The following NFIB variants were observed in gnomAD, a reference collection of about 807,000 sequenced individuals.
NFIB encodes the protein nuclear factor 1 B-type.
A neutral mutation model predicts 61.5 loss-of-function variants in NFIB; 11 were observed. That is an observed-to-expected ratio of 0.18 (90% CI 0.11 to 0.30). The LOEUF is 0.30. NFIB is among the 10% of genes least tolerant of loss of function. NFIB has a pLI of 1.00. For missense variants in NFIB, 471 were observed against 608.9 expected, an observed-to-expected ratio of 0.77 and a Z score of 2.38; for synonymous variants, 260 against 216.5, an observed-to-expected ratio of 1.20 and a Z score of -1.76.
intron 10 of NFIB, among the ~76,000 whole-genome samples, chr9:14,092,553 C>G: frequency 6.6e-6 from 1 of 151,994 alleles, no homozygotes; most frequent in East Asian, 1.9e-4. Context: ...AGTCAGATGA[C>G]TTAACATAAG....
At chr9:14,256,742 G>A (rs989446476) in intron 2 of NFIB, among the ~76,000 whole-genome samples, 3 of 152,162 alleles carry the variant, frequency 2.0e-5, no homozygotes, top group Non-Finnish European at 4.4e-5. Flanking sequence ...GGGTGAGAAG[G>A]GTGAGAGGGA....
the NFIB span, among the ~76,000 whole-genome samples, chr9:14,417,951 G>A: frequency 3.3e-5 from 5 of 151,754 alleles, no homozygotes; most frequent in Non-Finnish European, 5.9e-5. Context: ...CTAATTTCTC[G>A]TACTTTTAGT....
At chr9:14,480,004 G>T in the NFIB span, among the ~76,000 whole-genome samples, 4 of 151,886 alleles carry the variant, frequency 2.6e-5, no homozygotes, top group Non-Finnish European at 1.5e-5. Context: ...AGGGAGGGAG[G>T]GAGGAAGGGA....
At chr9:14,267,878 A>G (rs2132296597) in intron 2 of NFIB, among the ~76,000 whole-genome samples, 1 of 152,296 alleles carries the variant, frequency 6.6e-6, no homozygotes, top group South Asian at 2.1e-4. Context: ...CACGCCTGTA[A>G]TCCCAGCACT....
intron 10 of NFIB, among the ~76,000 whole-genome samples, chr9:14,092,665 G>A (rs921658664): frequency 2.0e-5 from 3 of 152,038 alleles, no homozygotes; most frequent in Non-Finnish European, 4.4e-5. Flanking sequence ...CCTAGCTAAT[G>A]TTGCGAAAGA....
intron 3 of NFIB, among the ~76,000 whole-genome samples, chr9:14,164,188 C>T (rs118079438): frequency 0.011 from 1,669 of 152,058 alleles, 20 homozygotes; most frequent in Non-Finnish European, 0.017. Context: ...AAAACCACTT[C>T]CATGCCTGAT....
At chr9:14,350,088 G>C (rs2061087838) in intron 1 of NFIB, among the ~76,000 whole-genome samples, 1 of 152,132 alleles carries the variant, frequency 6.6e-6, no homozygotes, top group East Asian at 1.9e-4. Flanking sequence ...GCGGCCCCGG[G>C]GACCCTCCTG....
chr9:14,513,611 G>C, the NFIB span, among the ~76,000 whole-genome samples: 1 of 134,424 alleles, frequency 7.4e-6, no homozygotes, highest in African/African-American at 2.8e-5. Context: ...CTGGGTGACA[G>C]AGCGAGACTC....
chr9:14,253,013 A>C (rs1587940988), intron 2 of NFIB, among the ~76,000 whole-genome samples: 1 of 152,322 alleles, frequency 6.6e-6, no homozygotes, highest in South Asian at 2.1e-4. Flanking sequence ...CTACAAAGAA[A>C]AAAAAGACCA....
At chr9:14,343,022 C>T (rs2060970808) in intron 1 of NFIB, among the ~76,000 whole-genome samples, 1 of 151,582 alleles carries the variant, frequency 6.6e-6, no homozygotes. Flanking sequence ...ATAATTTGTC[C>T]TGTTTCTGTT....
chr9:14,325,856 A>T (rs1348507432), intron 1 of NFIB, among the ~76,000 whole-genome samples: 3 of 152,154 alleles, frequency 2.0e-5, no homozygotes, highest in Non-Finnish European at 4.4e-5. Context: ...AAAATACATA[A>T]TGTATTTTTG....
the NFIB span, among the ~76,000 whole-genome samples, chr9:14,454,952 T>C: frequency 1.3e-5 from 2 of 152,172 alleles, no homozygotes; most frequent in Non-Finnish European, 2.9e-5. Flanking sequence ...AATTCTGAAA[T>C]GAAGATTTAG....
At chr9:14,317,462 A>T (rs2132797836), upstream of NFIB, 1 of 152,318 alleles carries the variant, frequency 6.6e-6, no homozygotes, top group Middle Eastern at 3.4e-3. Flanking sequence ...CACTTTGATG[A>T]CCATAGAGGA....
At chr9:14,404,998 T>A in the NFIB span, among the ~76,000 whole-genome samples, 21 of 152,350 alleles carry the variant, frequency 1.4e-4, no homozygotes, top group East Asian at 3.7e-3. Context: ...CTGCTGGGCA[T>A]ACAACTGTAC....
rs930270204 is a variant in NFIB at position 14,087,322 on chromosome 9, T to G, written c.*987A>C. On this transcript the variant is annotated 3_prime_UTR_variant, in exon 11 of 11. Transcript: ENST00000380953. ...ATGCCCTCAAAAACTGAGGGGAAAA[T>G]AAATTCGTTCAAAATTATTTTAAAT... 4.8e-6 allele frequency: 1 copy of G among 206,280 alleles called. No homozygotes were observed. The allele number at this position is 206,280 out of a possible 1,614,324, so 12.8% of individuals were successfully genotyped here.
At chr9:14,489,540 C>G in the NFIB span, among the ~76,000 whole-genome samples, 1 of 151,988 alleles carries the variant, frequency 6.6e-6, no homozygotes, top group South Asian at 2.1e-4. Flanking sequence ...GTAATGCATG[C>G]AAGTGTTAAA....
In NFIB at chr9:14,388,367, A is replaced by G. The variant is rs7045669; in HGVS notation, c.108+10157T>C. Among the ~76,000 whole-genome samples the G allele has an allele frequency of 6.4e-3, 839 of 131,520 alleles. 8 individuals carry two copies. Among genetic ancestry groups the G allele is most frequent in the African/African-American group, 0.018 (598 of 33,452 alleles). The allele number at this position is 131,520 out of a possible 152,430, so 86.3% of individuals were successfully genotyped here. ...GAGACCTTTTCAAAAAGAGAAAGAAAGAAGGAAGGAAGGAAGGAAGGAAGG... is the reference window on the plus strand; with the variant it reads ...GAGACCTTTTCAAAAAGAGAAAGAAGGAAGGAAGGAAGGAAGGAAGGAAGG... On this transcript the variant is annotated intron_variant, in intron 1 of 8. Transcript: ENST00000380934.
At chr9:14,168,154 T>A (rs2045131608) in intron 3 of NFIB, among the ~76,000 whole-genome samples, 1 of 152,136 alleles carries the variant, frequency 6.6e-6, no homozygotes, top group African/African-American at 2.4e-5. Context: ...AGGTTCTGAG[T>A]AAGGGAATGA....
At chr9:14,251,278 C>T (rs1397707076) in intron 2 of NFIB, among the ~76,000 whole-genome samples, 2 of 152,142 alleles carry the variant, frequency 1.3e-5, no homozygotes, top group South Asian at 2.1e-4. Flanking sequence ...CAACACATAA[C>T]GAAGGACATG....
Sources: allele counts gnomAD v4.1 joint callset (sites outside exome capture counted in the v4.1 genomes callset), GRCh38; gene constraint gnomAD v4.1.1; transcripts MANE v1.5; gene names NCBI Gene and HGNC (gene_info 2026-07-23, HGNC 2026-07-21).